Variants in UAP1 observed in about 807,000 individuals in gnomAD.
UAP1 encodes UDP-N-acetylhexosamine pyrophosphorylase.
UAP1 carries 25 observed loss-of-function variants against 58.5 expected under a neutral mutation model. The ratio of observed to expected loss-of-function variants is 0.43; its 90% CI spans 0.31 to 0.60. UAP1 has a LOEUF of 0.60. UAP1 is among the 20% of genes least tolerant of loss of function. UAP1 has a pLI of 0.11. For synonymous variants in UAP1, 208 were observed against 213.0 expected, an observed-to-expected ratio of 0.98 and a Z score of 0.21; for missense variants, 575 against 630.0, an observed-to-expected ratio of 0.91 and a Z score of 0.93.
At chr1:162,566,159 G>T (rs1457549546) in exon 2 of UAP1, 14 of 1,613,864 alleles carry the variant, frequency 8.7e-6, no homozygotes, top group Non-Finnish European at 1.2e-5. Flanking sequence ...AGCCCAACAG[G>T]TAGAACTTTA....
rs756861720 is a variant in UAP1 at position 162,581,261 on chromosome 1, T to C, written c.662-26T>C. Reference sequence around the variant, plus strand: ...ACCTTTATGATGGATTTTGATATGCTACTAATGGGCTATTTTGTTTTCCAG... The same window carrying C: ...ACCTTTATGATGGATTTTGATATGCCACTAATGGGCTATTTTGTTTTCCAG... On this transcript the variant is annotated intron_variant, in intron 4 of 10. Transcript: ENST00000271469. 6.3e-6 allele frequency: 10 copies of C among 1,596,134 alleles called. No individual in the cohort carries two copies. The African/African-American group carries it at 1.1e-4, about 17-fold the overall frequency.
chr1:162,591,213 C>A (rs1207366740), intron 8 of UAP1, among the ~76,000 whole-genome samples: 1 of 151,954 alleles, frequency 6.6e-6, no homozygotes, highest in Non-Finnish European at 1.5e-5. Flanking sequence ...GTGTGAGCCA[C>A]TGGGCCCGGC....
In UAP1 at chr1:162,566,392, A is replaced by G. The variant is rs756939643; in HGVS notation, c.280+44A>G. On this transcript the variant is annotated intron_variant, in intron 2 of 10. Coordinates refer to ENST00000271469, the Ensembl canonical transcript of UAP1. Reference sequence around the variant, plus strand: ...TTTCTTACTGAAGTTTATTTGAGATATACTAAAATTGTTCAGGTAGCTGGA... The same window carrying G: ...TTTCTTACTGAAGTTTATTTGAGATGTACTAAAATTGTTCAGGTAGCTGGA... 1.5e-5 allele frequency: 24 copies of G among 1,559,312 alleles called. No individual in the cohort carries two copies. In the South Asian group the frequency reaches 2.8e-4, roughly 18 times the overall value.
At chr1:162,586,580 T>C (rs1654916152) in intron 5 of UAP1, among the ~76,000 whole-genome samples, 1 of 152,232 alleles carries the variant, frequency 6.6e-6, no homozygotes, top group Admixed American at 6.5e-5. Context: ...CGGTTGGATA[T>C]TTATCTTATC....
At chr1:162,566,125 A>C in exon 2 of UAP1, 1 of 1,613,236 alleles carries the variant, frequency 6.2e-7, no homozygotes. Context: ...AGCACCTACT[A>C]CGTTTCTGGA....
In UAP1 at chr1:162,563,850, T is replaced by C. The variant is rs188614996; in HGVS notation, c.-58+2073T>C. On this transcript the variant is annotated intron_variant, in intron 1 of 10. Transcript: ENST00000271469. ...CTTGAAGGCATGTGAGAAAGGTTGGTTGTCTTATATTCATGAGGAAATCTA... is the reference window on the plus strand; with the variant it reads ...CTTGAAGGCATGTGAGAAAGGTTGGCTGTCTTATATTCATGAGGAAATCTA... Among the ~76,000 whole-genome samples the C allele has an allele frequency of 4.8e-3, 730 of 152,324 alleles. 6 individuals are homozygous for C. The highest frequency in any genetic ancestry group is 0.016 in the African/African-American group (684 of 41,554).
At chr1:162,595,266 A>G (rs992319100) in intron 9 of UAP1, among the ~76,000 whole-genome samples, 4 of 152,188 alleles carry the variant, frequency 2.6e-5, no homozygotes, top group African/African-American at 9.7e-5. Flanking sequence ...GTGGTAGTAG[A>G]ATGGAAGTTA....
intron 6 of UAP1, 131 bp downstream of exon 6, chr1:162,587,799 T>A: frequency 2.3e-6 from 2 of 878,944 alleles, no homozygotes; most frequent in Non-Finnish European, 3.5e-6. Context: ...ACTTATCAAA[T>A]GGACATTTAT....
intron 2 of UAP1, among the ~76,000 whole-genome samples, chr1:162,573,512 G>A (rs1653992838): frequency 6.6e-6 from 1 of 152,148 alleles, no homozygotes; most frequent in Admixed American, 6.5e-5. Context: ...TTCAAACTCT[G>A]ATGAGGTACA....
chr1:162,577,930 T>G (rs1319655447), intron 3 of UAP1, among the ~76,000 whole-genome samples: 1 of 151,902 alleles, frequency 6.6e-6, no homozygotes, highest in Non-Finnish European at 1.5e-5. Flanking sequence ...GTTTTTTTTA[T>G]AGAGACAGGG....
intron 10 of UAP1, among the ~76,000 whole-genome samples, 167 bp downstream of exon 10, chr1:162,598,025 T>C (rs541701130): frequency 6.6e-6 from 1 of 152,288 alleles, no homozygotes; most frequent in East Asian, 1.9e-4. Context: ...ATATATGCAT[T>C]GAATCATCAC....
intron 2 of UAP1, among the ~76,000 whole-genome samples, chr1:162,570,460 C>G (rs1243201149): frequency 1.3e-5 from 2 of 152,144 alleles, no homozygotes; most frequent in Non-Finnish European, 2.9e-5. Flanking sequence ...TGCTTTCTCT[C>G]TCCCTCTTTT....
intron 8 of UAP1, 101 bp from the exon 9 acceptor site, chr1:162,592,631 A>G (rs960536095): frequency 1.9e-5 from 17 of 903,742 alleles, no homozygotes; most frequent in Non-Finnish European, 2.3e-5. Context: ...ATGATTTACC[A>G]TAAATACATA....
chr1:162,584,172 C>T (rs913293092), intron 5 of UAP1, among the ~76,000 whole-genome samples: 3 of 152,210 alleles, frequency 2.0e-5, no homozygotes, highest in Non-Finnish European at 4.4e-5. Context: ...CTCTCCATTA[C>T]CTGTGGGCTC....
At chr1:162,589,217 A>ATTATAT (rs576110821) in intron 7 of UAP1, among the ~76,000 whole-genome samples, 2 of 98,074 alleles carry the variant, frequency 2.0e-5, no homozygotes, top group African/African-American at 3.7e-5. Flanking sequence ...AAATATATAT[A>ATTATAT]ATATTTATAT....
chr1:162,575,749 G>A (rs1654140466), intron 2 of UAP1, among the ~76,000 whole-genome samples: 1 of 150,722 alleles, frequency 6.6e-6, no homozygotes, highest in South Asian at 2.1e-4. Context: ...CACCCAGGCT[G>A]GAGTGCAGTG....
intron 2 of UAP1, among the ~76,000 whole-genome samples, chr1:162,567,123 C>T (rs796672536): frequency 1.3e-5 from 2 of 152,190 alleles, no homozygotes; most frequent in Non-Finnish European, 2.9e-5. Flanking sequence ...AAGGTCATTT[C>T]TTGCAGTTGT....
intron 2 of UAP1, 146 bp downstream of exon 2, chr1:162,566,494 T>A: frequency 1.2e-6 from 1 of 821,574 alleles, no homozygotes; most frequent in Non-Finnish European, 1.8e-6. Flanking sequence ...GTCTTTTTAT[T>A]TTTGATGCTC....
At chr1:162,600,645 A>C (rs911799799), downstream of UAP1, among the ~76,000 whole-genome samples, 2 of 149,846 alleles carry the variant, frequency 1.3e-5, no homozygotes, top group Admixed American at 1.3e-4. Context: ...TTTAAGGATC[A>C]CTTTTTTTTT....
Sources: gnomAD v4.1 joint callset for allele counts (sites outside exome capture counted in the v4.1 genomes callset) on GRCh38, gnomAD v4.1.1 for gene constraint, MANE v1.5 for transcripts, NCBI Gene and HGNC (gene_info 2026-07-23, HGNC 2026-07-21) for gene names.